Variants in GTF2A1 observed in about 807,000 individuals in gnomAD.
GTF2A1 encodes transcription initiation factor IIA subunit 1.
A neutral mutation model predicts 54.1 loss-of-function variants in GTF2A1; 12 were observed. That is an observed-to-expected ratio of 0.22 (90% CI 0.14 to 0.36). The LOEUF is 0.36. Among genes scored for constraint, GTF2A1 ranks in the 10% least tolerant of loss-of-function variants. The pLI is 1.00. For missense variants in GTF2A1, 335 were observed against 442.2 expected (o/e 0.76, Z 2.17); for synonymous variants, 145 against 152.0 (o/e 0.95, Z 0.34).
At chr14:81,210,050 AAGAAAT>A in intron 2 of GTF2A1, 1 of 131,708 alleles carries the variant, frequency 7.6e-6, no homozygotes, top group Non-Finnish European at 1.7e-5. Flanking sequence ...ATGGTCCCAC[AAGAAAT>A]ATGCAGGAAT....
chr14:81,217,053 G>A lies in GTF2A1; in HGVS notation c.31-539C>T, dbSNP rs982414301. ...AACTACTCATACACTCACAATGGCAGGTCTTAAGGTCCCAAGGAACAAGGT... is the reference window on the plus strand; with the variant it reads ...AACTACTCATACACTCACAATGGCAAGTCTTAAGGTCCCAAGGAACAAGGT... On this transcript the variant is annotated intron_variant, in intron 1 of 8. Coordinates refer to ENST00000553612, the MANE Select transcript of GTF2A1 (RefSeq NM_015859.4). Among the ~76,000 whole-genome samples, 2 of 152,154 alleles carry A rather than the reference G, an allele frequency of 1.3e-5. 1 individual carries two copies. Among genetic ancestry groups the A allele is most frequent in the East Asian group, 3.8e-4 (2 of 5,200 alleles).
At chr14:81,197,605 G>C (rs1162606561) in intron 4 of GTF2A1, 121 bp from the exon 5 acceptor site, 1 of 577,426 alleles carries the variant, frequency 1.7e-6, no homozygotes, top group Non-Finnish European at 3.1e-6. Flanking sequence ...AAAAAATCTA[G>C]TAAGGCTAAA....
At chr14:81,180,585 C>T (rs1039296861) in intron 8 of GTF2A1, among the ~76,000 whole-genome samples, 8 of 152,086 alleles carry the variant, frequency 5.3e-5, no homozygotes, top group African/African-American at 1.9e-4. Context: ...AAGCGTGAGT[C>T]ACAGCACCTG....
chr14:81,188,695 T>C (rs1460804482), intron 7 of GTF2A1, among the ~76,000 whole-genome samples: 2 of 149,726 alleles, frequency 1.3e-5, no homozygotes, highest in African/African-American at 4.9e-5. Flanking sequence ...GAGAATGGTG[T>C]GAACCCGGGA....
At chr14:81,219,610 G>T (rs948258294) in intron 1 of GTF2A1, among the ~76,000 whole-genome samples, 3 of 152,200 alleles carry the variant, frequency 2.0e-5, no homozygotes, top group African/African-American at 7.2e-5. Context: ...TGCGGCATTT[G>T]GGACCGGGCA....
At chr14:81,214,416 T>C (rs1299345307) in intron 2 of GTF2A1, among the ~76,000 whole-genome samples, 1 of 151,798 alleles carries the variant, frequency 6.6e-6, no homozygotes, top group Admixed American at 6.6e-5. Context: ...GAGGCCGAGG[T>C]GGGGGGATCA....
chr14:81,192,232 G>A (rs1892890195), intron 7 of GTF2A1, among the ~76,000 whole-genome samples: 10 of 152,124 alleles, frequency 6.6e-5, no homozygotes, highest in Admixed American at 6.5e-4. Flanking sequence ...AAATGCGTAA[G>A]CCAGAGTTAG....
intron 2 of GTF2A1, among the ~76,000 whole-genome samples, chr14:81,215,798 G>A (rs1261927848): frequency 6.6e-6 from 1 of 152,124 alleles, no homozygotes; most frequent in African/African-American, 2.4e-5. Context: ...CACTTTGGGA[G>A]GCCGAGGCGG....
At chr14:81,206,718 C>T (rs1315764026) in intron 2 of GTF2A1, among the ~76,000 whole-genome samples, 1 of 152,156 alleles carries the variant, frequency 6.6e-6, no homozygotes, top group Non-Finnish European at 1.5e-5. Flanking sequence ...AGGACTGCAA[C>T]CCACTAGTGA....
At chr14:81,204,191 T>C in intron 2 of GTF2A1, 87 bp from the exon 3 acceptor site, 1 of 911,504 alleles carries the variant, frequency 1.1e-6, no homozygotes, top group Non-Finnish European at 1.8e-6. Flanking sequence ...TTTATAAAGT[T>C]ATTCCATTTT....
In GTF2A1 at chr14:81,220,559, A is replaced by G; in HGVS notation, c.-41T>C. ...AAACAAGAGGGGGCAACCCCAAGAA[A>G]ACAAGATAAAAACAAAACCAAAAAA... On this transcript the variant is annotated 5_prime_UTR_variant, in exon 1 of 9. Coordinates refer to ENST00000553612, the MANE Select transcript of GTF2A1 (RefSeq NM_015859.4). 1 of 1,520,208 alleles carries G rather than the reference A, an allele frequency of 6.6e-7. No homozygotes were observed. Among genetic ancestry groups the G allele is most frequent in the Non-Finnish European group, 8.9e-7 (1 of 1,124,676 alleles). 94.2% of individuals were successfully genotyped at this position (1,520,208 alleles called of 1,614,324 possible).
At chr14:81,208,386 G>C (rs896607519) in intron 2 of GTF2A1, among the ~76,000 whole-genome samples, 11 of 152,246 alleles carry the variant, frequency 7.2e-5, no homozygotes, top group Non-Finnish European at 1.3e-4. Context: ...CTTCTACCTA[G>C]ATTTCAGAAG....
chr14:81,191,181 G>T (rs1892868091), intron 7 of GTF2A1, among the ~76,000 whole-genome samples: 1 of 152,058 alleles, frequency 6.6e-6, no homozygotes, highest in Non-Finnish European at 1.5e-5. Context: ...CAAAAATCAG[G>T]AAGCCTGACA....
intron 6 of GTF2A1, 72 bp downstream of exon 6, chr14:81,196,036 G>C (rs1003012746): frequency 1.4e-6 from 2 of 1,394,482 alleles, no homozygotes; most frequent in Non-Finnish European, 2.0e-6. Flanking sequence ...TATAAGGAGA[G>C]GGAAACTACC....
rs146690693 is a variant in GTF2A1 at position 81,200,163 on chromosome 14, C to T, written c.402+1431G>A. On this transcript the variant is annotated intron_variant, in intron 4 of 8. Transcript: ENST00000553612. Reference sequence around the variant, plus strand: ...ATTTCTACTATCATGTAGAAACTTTCAATTCTGCCACAGTATGAATTTGTG... The same window carrying T: ...ATTTCTACTATCATGTAGAAACTTTTAATTCTGCCACAGTATGAATTTGTG... Among the ~76,000 whole-genome samples the T allele has an allele frequency of 4.3e-3, 652 of 152,248 alleles. 4 individuals are homozygous for T. The highest frequency in any genetic ancestry group is 6.5e-3 in the Non-Finnish European group (441 of 68,012).
chr14:81,215,517 T>A (rs998146290), intron 2 of GTF2A1, among the ~76,000 whole-genome samples: 2 of 152,172 alleles, frequency 1.3e-5, no homozygotes, highest in Non-Finnish European at 2.9e-5. Flanking sequence ...CACAATTTCA[T>A]GAGTCATTAC....
chr14:81,195,342 A>T (rs1355188806), intron 6 of GTF2A1, among the ~76,000 whole-genome samples: 1 of 146,246 alleles, frequency 6.8e-6, no homozygotes, highest in Non-Finnish European at 1.5e-5. Flanking sequence ...GCAGTTAAAG[A>T]AAAAAAAAAG....
Position 81,201,140 on chromosome 14 carries a change from T to C in GTF2A1, c.402+454A>G, listed in dbSNP as rs1050235895. 1.1e-4 allele frequency among the ~76,000 whole-genome samples: 17 copies of C among 152,216 alleles called. 1 individual carries two copies. The highest frequency in any genetic ancestry group is 2.2e-4 in the Non-Finnish European group (15 of 68,030). ...GTAATTTACACACTATAATGACTTATTAGACTATACTATGGTTAAGTCAGA... is the reference window on the plus strand; with the variant it reads ...GTAATTTACACACTATAATGACTTACTAGACTATACTATGGTTAAGTCAGA... On this transcript the variant is annotated intron_variant, in intron 4 of 8. Transcript: ENST00000553612.
Position 81,191,191 on chromosome 14 carries a change from ACTATCAG to A in GTF2A1, c.933+1321_933+1327del, listed in dbSNP as rs762212128. 4.0e-3 allele frequency among the ~76,000 whole-genome samples: 605 copies of A among 152,336 alleles called. 3 individuals carry two copies. The highest frequency in any genetic ancestry group is 7.2e-3 in the Non-Finnish European group (489 of 68,020). On this transcript the variant is annotated intron_variant, in intron 7 of 8. Transcript: ENST00000553612. ...ACCAGCAAAAATCAGGAAGCCTGACACTATCAGGTATTGATAAGGGGGTATGGACATC... is the reference window on the plus strand; with the variant it reads ...ACCAGCAAAAATCAGGAAGCCTGACAGTATTGATAAGGGGGTATGGACATC...
Sources: gnomAD v4.1 joint callset for allele counts (sites outside exome capture counted in the v4.1 genomes callset) on GRCh38, gnomAD v4.1.1 for gene constraint, MANE v1.5 for transcripts, NCBI Gene and HGNC (gene_info 2026-07-23, HGNC 2026-07-21) for gene names.